The following MOK variants were observed in gnomAD, a reference collection of about 807,000 sequenced individuals.
MOK encodes the protein MOK protein kinase.
In MOK, 59 loss-of-function variants were observed where a neutral mutation model predicts 54.2. That is an observed-to-expected ratio of 1.09 (90% CI 0.88 to 1.35). The LOEUF is 1.35. MOK is among the 40% of genes most tolerant of loss of function. The pLI, the probability that MOK is intolerant of heterozygous loss-of-function variation, is 0.00. For synonymous variants in MOK, 210 were observed against 202.7 expected, an observed-to-expected ratio of 1.04 and a Z score of -0.31; for missense variants, 517 against 526.2, an observed-to-expected ratio of 0.98 and a Z score of 0.17.
chr14:102,281,834 GAT>G (rs2069475560), intron 2 of MOK, among the ~76,000 whole-genome samples: 1 of 152,174 alleles, frequency 6.6e-6, no homozygotes, highest in Non-Finnish European at 1.5e-5. Context: ...GTCGGGGAAA[GAT>G]AAAGAAACAC....
chr14:102,250,769 C>T lies in MOK; in HGVS notation c.590+43G>A, dbSNP rs559339372. 45 of 1,589,278 alleles carry T rather than the reference C, an allele frequency of 2.8e-5. No homozygotes were observed. In the South Asian group the frequency reaches 3.7e-4, roughly 13 times the overall value. On this transcript the variant is annotated intron_variant, in intron 7 of 11. Transcript: ENST00000361847. ...AGGAGCACGAGCCTGGCTGCTGCACCGCTCCGCCGCAGGAACCAGGCAGGA... is the reference window on the plus strand; with the variant it reads ...AGGAGCACGAGCCTGGCTGCTGCACTGCTCCGCCGCAGGAACCAGGCAGGA...
At chr14:102,254,789 T>A (rs1226100709) in intron 4 of MOK, among the ~76,000 whole-genome samples, 1 of 152,136 alleles carries the variant, frequency 6.6e-6, no homozygotes, top group Non-Finnish European at 1.5e-5. Context: ...ACCACCCCCT[T>A]CTTGTTTATC....
chr14:102,270,847 C>A (rs371821405), intron 2 of MOK, among the ~76,000 whole-genome samples: 1 of 152,026 alleles, frequency 6.6e-6, no homozygotes, highest in African/African-American at 2.4e-5. Context: ...GTTGCACAGC[C>A]GTATAAATGT....
chr14:102,247,778 T>G (rs1240517686), intron 7 of MOK, among the ~76,000 whole-genome samples: 1 of 152,200 alleles, frequency 6.6e-6, no homozygotes, highest in Non-Finnish European at 1.5e-5. Context: ...CAATCTGGCT[T>G]AGTACGAGAT....
At chr14:102,223,551 A>G (rs554073350), downstream of MOK, 1 of 152,248 alleles carries the variant, frequency 6.6e-6, no homozygotes, top group Non-Finnish European at 1.5e-5. Flanking sequence ...TCAACTCTGT[A>G]TTATATGTAT....
intron 1 of MOK, among the ~76,000 whole-genome samples, chr14:102,286,170 G>A (rs1048519746): frequency 1.3e-5 from 2 of 151,490 alleles, no homozygotes; most frequent in African/African-American, 4.9e-5. Flanking sequence ...GTGGTGGCGG[G>A]TGCCTGTAGT....
At chr14:102,298,920 C>T (rs1484679891) in intron 1 of MOK, among the ~76,000 whole-genome samples, 1 of 152,166 alleles carries the variant, frequency 6.6e-6, no homozygotes, top group Admixed American at 6.6e-5. Context: ...AGAGCGATAA[C>T]ACTCACCGCG....
intron 1 of MOK, among the ~76,000 whole-genome samples, chr14:102,302,255 T>C (rs2072302324): frequency 1.3e-5 from 2 of 150,212 alleles, no homozygotes. Flanking sequence ...GTATTTTTAG[T>C]AGAGACGGGG....
At chr14:102,256,132 T>C (rs1326883592) in intron 4 of MOK, among the ~76,000 whole-genome samples, 3 of 151,710 alleles carry the variant, frequency 2.0e-5, no homozygotes, top group Non-Finnish European at 2.9e-5. Flanking sequence ...AGGGTCTCAC[T>C]CTGTTGCCCA....
At chr14:102,279,021 A>C (rs2069148276) in intron 2 of MOK, among the ~76,000 whole-genome samples, 1 of 152,204 alleles carries the variant, frequency 6.6e-6, no homozygotes, top group African/African-American at 2.4e-5. Context: ...TTGTATAAAG[A>C]AAGAAACAGA....
intron 1 of MOK, among the ~76,000 whole-genome samples, chr14:102,296,233 G>A (rs1378621718): frequency 7.3e-6 from 1 of 136,116 alleles, no homozygotes; most frequent in Non-Finnish European, 1.5e-5. Flanking sequence ...GCAACAGACT[G>A]AGAGTACGTC....
At chr14:102,221,512 T>C (rs1342737959), downstream of MOK, among the ~76,000 whole-genome samples, 4 of 152,178 alleles carry the variant, frequency 2.6e-5, no homozygotes, top group African/African-American at 9.7e-5. The surrounding 1 kb of genome is among the most constrained non-coding windows in gnomAD (Gnocchi z 4.8). Context: ...ATGGGGCGTT[T>C]GCGGGGTCCT....
chr14:102,283,399 C>A, intron 2 of MOK, 79 bp downstream of exon 2: 2 of 828,578 alleles, frequency 2.4e-6, no homozygotes, highest in Non-Finnish European at 3.9e-6. Context: ...ATTAATAAAG[C>A]TCCCCCCTAA....
chr14:102,223,224 A>T (rs79043121), downstream of MOK: 1 of 156,052 alleles, frequency 6.4e-6, no homozygotes, highest in African/African-American at 2.4e-5. Context: ...TTGGACAAGA[A>T]ATCCCCTGAA....
downstream of MOK, chr14:102,222,779 T>TGTTGCCC (rs763837513): frequency 5.2e-5 from 83 of 1,609,588 alleles, no homozygotes; most frequent in Non-Finnish European, 7.0e-5. This position sits in a 1 kb window ranked among gnomAD's most constrained non-coding sequence, Gnocchi z 4.4. Flanking sequence ...GCATGGTGGC[T>TGTTGCCC]GTTGCCCGTC....
At chr14:102,289,525 A>G (rs2070517084) in intron 1 of MOK, among the ~76,000 whole-genome samples, 1 of 151,984 alleles carries the variant, frequency 6.6e-6, no homozygotes, top group Non-Finnish European at 1.5e-5. Flanking sequence ...TTTTATTTTG[A>G]GACAGAGTCT....
At chr14:102,234,455 C>T (rs1327601527) in intron 7 of MOK, among the ~76,000 whole-genome samples, 1 of 152,166 alleles carries the variant, frequency 6.6e-6, no homozygotes, top group Non-Finnish European at 1.5e-5. Flanking sequence ...AAAGACCCAG[C>T]GCTGGGCCAA....
Position 102,232,499 on chromosome 14 carries a change from C to T in MOK, c.866+36G>A, listed in dbSNP as rs2064821097. On this transcript the variant is annotated intron_variant, in intron 9 of 11. Transcript: ENST00000361847. This position sits in a 1 kb window ranked among gnomAD's most constrained non-coding sequence, Gnocchi z 5.1. ...GCCCATGGGTCTCATTTGCCAGGTC[C>T]TGCATCTGCCCCACCGAACCCACGA... The T allele has an allele frequency of 1.3e-6, 2 of 1,593,374 alleles. No individual in the cohort carries two copies. Among genetic ancestry groups the T allele is most frequent in the Non-Finnish European group, 1.7e-6 (2 of 1,167,032 alleles).
intron 4 of MOK, among the ~76,000 whole-genome samples, chr14:102,257,774 C>T (rs552599337): frequency 1.3e-5 from 2 of 152,136 alleles, no homozygotes; most frequent in African/African-American, 4.8e-5. Context: ...GTCAAGAGAT[C>T]GAGACCATCC....
Sources: allele counts gnomAD v4.1 joint callset (sites outside exome capture counted in the v4.1 genomes callset), GRCh38; gene constraint gnomAD v4.1.1; non-coding constraint Gnocchi (gnomAD v3.1); transcripts MANE v1.5; gene names NCBI Gene and HGNC (gene_info 2026-07-23, HGNC 2026-07-21).